The following WDR25 variants were observed in gnomAD, a reference collection of about 807,000 sequenced individuals.
The protein encoded by WDR25 is WD repeat domain 25.
A neutral mutation model predicts 47.7 loss-of-function variants in WDR25; 35 were observed. The observed-to-expected ratio is 0.73, with a 90% CI of 0.56 to 0.97. WDR25 has a LOEUF of 0.97. Among genes scored for constraint, WDR25 ranks in the 50% least tolerant of loss-of-function variants. The pLI, the probability that WDR25 is intolerant of heterozygous loss-of-function variation, is 0.00. For missense variants in WDR25, 634 were observed against 704.7 expected (o/e 0.90, Z 1.14); for synonymous variants, 248 against 278.9 (o/e 0.89, Z 1.10).
chr14:100,473,472 C>G (rs1315614748), intron 3 of WDR25, among the ~76,000 whole-genome samples: 2 of 152,180 alleles, frequency 1.3e-5, no homozygotes, highest in African/African-American at 4.8e-5. Context: ...CCAACTTAAC[C>G]TGACTCCTGG....
chr14:100,490,351 C>T (rs1448344859), intron 4 of WDR25, among the ~76,000 whole-genome samples: 2 of 152,236 alleles, frequency 1.3e-5, no homozygotes, highest in Non-Finnish European at 2.9e-5. Context: ...TAATCAAGAC[C>T]AGTTCTTAAA....
chr14:100,452,821 G>C (rs774701927), intron 2 of WDR25, among the ~76,000 whole-genome samples: 1 of 152,166 alleles, frequency 6.6e-6, no homozygotes, highest in East Asian at 1.9e-4. Context: ...TGTTTTTACT[G>C]TGGTAAAATA....
At chr14:100,475,014 G>C (rs1474358461) in intron 3 of WDR25, among the ~76,000 whole-genome samples, 1 of 152,194 alleles carries the variant, frequency 6.6e-6, no homozygotes, top group Non-Finnish European at 1.5e-5. Context: ...GAAGAGATAT[G>C]AATGGCCAAC....
chr14:100,473,804 G>T (rs1042411192), intron 3 of WDR25, among the ~76,000 whole-genome samples: 1 of 152,246 alleles, frequency 6.6e-6, no homozygotes, highest in Non-Finnish European at 1.5e-5. Context: ...TGGAAGAAGT[G>T]CCGTGGAGGG....
intron 2 of WDR25, among the ~76,000 whole-genome samples, chr14:100,452,538 A>G (rs1193528873): frequency 3.9e-5 from 6 of 152,218 alleles, no homozygotes; most frequent in Non-Finnish European, 5.9e-5. Context: ...AGCTGGGTAG[A>G]GAAGAGCACC....
intron 2 of WDR25, among the ~76,000 whole-genome samples, chr14:100,413,160 T>G (rs1227506706): frequency 6.6e-6 from 1 of 152,138 alleles, no homozygotes; most frequent in Non-Finnish European, 1.5e-5. Flanking sequence ...AAAGGTAAAT[T>G]AACTCTATGG....
At position 100,381,060 on chromosome 14, in the gene WDR25, C is replaced by T. The variant is rs148871013; in HGVS notation, c.136C>T (p.Pro46Ser). The change falls in exon 2 of 7, where the codon CCT becomes TCT. Residue 46 changes from proline to serine, a missense_variant. Pro to Ser is a moderately conservative substitution (Grantham distance 74). Coordinates refer to ENST00000402312, the MANE Select transcript of WDR25 (RefSeq NM_001161476.3). ...AGACACTTCTGGTGTGGCCAGACCACCTGGGCAGGATTTTGCATCTGGTAC... is the reference window on the plus strand; with the variant it reads ...AGACACTTCTGGTGTGGCCAGACCATCTGGGCAGGATTTTGCATCTGGTAC... Reference protein sequence around the residue: ...QKDTSGVARPPGQDFASGTLD... With the variant: ...QKDTSGVARPSGQDFASGTLD... 9.5e-5 allele frequency: 153 copies of T among 1,614,242 alleles called. No individual in the cohort carries two copies. The African/African-American group carries it at 1.6e-3, about 17-fold the overall frequency.
intron 2 of WDR25, among the ~76,000 whole-genome samples, chr14:100,390,424 T>TGTGTGTGTGC (rs1490326358): frequency 2.8e-5 from 4 of 144,716 alleles, no homozygotes; most frequent in Admixed American, 1.4e-4. Flanking sequence ...TGTGTGTGTG[T>TGTGTGTGTGC]GTGCATGCAC....
At chr14:100,410,606 G>A (rs1415233170) in intron 2 of WDR25, among the ~76,000 whole-genome samples, 2 of 152,098 alleles carry the variant, frequency 1.3e-5, no homozygotes, top group East Asian at 1.9e-4. Context: ...GTCCTTGCAC[G>A]GAGGACAGCC....
At chr14:100,505,800 C>T (rs1387003260) in intron 4 of WDR25, among the ~76,000 whole-genome samples, 1 of 151,908 alleles carries the variant, frequency 6.6e-6, no homozygotes, top group Admixed American at 6.6e-5. Context: ...TAATTTATTC[C>T]TCAGTTTCTC....
At chr14:100,467,788 A>G (rs11160589) in intron 2 of WDR25, among the ~76,000 whole-genome samples, 86,818 of 151,928 alleles carry the variant, frequency 0.57, 25,480 homozygotes, top group Admixed American at 0.7. Context: ...ACCCGTCCAG[A>G]ATGCAGTTTT....
At chr14:100,466,459 G>C (rs945927702) in intron 2 of WDR25, among the ~76,000 whole-genome samples, 1 of 152,162 alleles carries the variant, frequency 6.6e-6, no homozygotes, top group Non-Finnish European at 1.5e-5. Flanking sequence ...CTTTGTTTGG[G>C]TTTTTCTCTT....
At chr14:100,489,549 G>T (rs1900494273) in intron 4 of WDR25, among the ~76,000 whole-genome samples, 2 of 152,002 alleles carry the variant, frequency 1.3e-5, no homozygotes. Context: ...CACCTTTTTT[G>T]CAGGACTACA....
intron 2 of WDR25, among the ~76,000 whole-genome samples, chr14:100,461,080 G>A (rs1899396220): frequency 6.6e-6 from 1 of 152,140 alleles, no homozygotes; most frequent in Non-Finnish European, 1.5e-5. Flanking sequence ...TTAGAAGGGT[G>A]ATGTGTGCCT....
In WDR25 at chr14:100,525,753, T is replaced by C; in HGVS notation, c.1102-117T>C. The C allele has an allele frequency of 1.7e-6, 2 of 1,198,628 alleles. No individual in the cohort carries two copies. The highest frequency in any genetic ancestry group is 1.2e-6 in the Non-Finnish European group (1 of 866,144). The allele number at this position is 1,198,628 out of a possible 1,614,324, so 74.2% of individuals were successfully genotyped here. A position where few individuals can be genotyped will look rare whatever the true frequency, so the allele number is the denominator to read the frequency against. On this transcript the variant is annotated intron_variant, in intron 4 of 6. Coordinates refer to ENST00000402312, the MANE Select transcript of WDR25 (RefSeq NM_001161476.3). The surrounding 1 kb of genome is among the most constrained non-coding windows in gnomAD (Gnocchi z 4.6). ...GTGGGTGCTGCTCAGCCTGGGTGTG[T>C]GTGGCCCAGCATAAACTTCACTAAA...
rs1458877705 is a variant in WDR25 at position 100,488,829 on chromosome 14, C to T, written c.1101+4705C>T. 6.6e-6 allele frequency among the ~76,000 whole-genome samples: 1 copy of T among 152,242 alleles called. No individual in the cohort carries two copies. Among genetic ancestry groups the T allele is most frequent in the East Asian group, 1.9e-4 (1 of 5,200 alleles). ...TGACCTATCTCAGGGACAACGATCA[C>T]TCTTGATCTGTGGGCACTTTTATCC... On this transcript the variant is annotated intron_variant, in intron 4 of 6. Coordinates refer to ENST00000402312, the MANE Select transcript of WDR25 (RefSeq NM_001161476.3). The surrounding 1 kb of genome is among the most constrained non-coding windows in gnomAD (Gnocchi z 4.2).
intron 2 of WDR25, among the ~76,000 whole-genome samples, chr14:100,394,826 A>C (rs1897221163): frequency 6.6e-6 from 1 of 152,178 alleles, no homozygotes; most frequent in Admixed American, 6.5e-5. Flanking sequence ...CTCCACAAAA[A>C]ATTAAAAAAT....
At position 100,529,684 on chromosome 14, in the gene WDR25, G is replaced by A. The variant is rs2030380162; in HGVS notation, c.1414-136G>A. 1 of 979,620 alleles carries A rather than the reference G, an allele frequency of 1.0e-6. No homozygotes were observed. The highest frequency in any genetic ancestry group is 1.5e-6 in the Non-Finnish European group (1 of 672,410). 60.7% of individuals were successfully genotyped at this position (979,620 alleles called of 1,614,324 possible). The stretch of plus-strand genomic sequence containing the variant: ...GCCTCATGGGCGGGACCTGGGCTTT[G>A]GCCTCAGGGACACGAGGTGCGAAGC... On this transcript the variant is annotated intron_variant, in intron 6 of 6. Coordinates refer to ENST00000402312, the MANE Select transcript of WDR25 (RefSeq NM_001161476.3). The surrounding 1 kb of genome is among the most constrained non-coding windows in gnomAD (Gnocchi z 5.1).
intron 2 of WDR25, among the ~76,000 whole-genome samples, chr14:100,416,118 A>G (rs1180560653): frequency 2.0e-5 from 3 of 152,172 alleles, no homozygotes; most frequent in African/African-American, 7.2e-5. Context: ...CTGCTGTCCA[A>G]TCAGCCACTG....
Sources: allele counts gnomAD v4.1 joint callset (sites outside exome capture counted in the v4.1 genomes callset), GRCh38; gene constraint gnomAD v4.1.1; non-coding constraint Gnocchi (gnomAD v3.1); transcripts MANE v1.5; gene names NCBI Gene and HGNC (gene_info 2026-07-23, HGNC 2026-07-21).